MCM8: variants seen among roughly 807,000 people sequenced by gnomAD.
MCM8 encodes minichromosome maintenance 8 homologous recombination repair factor.
Under a neutral mutation model 98.9 loss-of-function variants are expected in MCM8, and 85 were observed. The ratio of observed to expected loss-of-function variants is 0.86; its 90% CI spans 0.72 to 1.03. MCM8 has a LOEUF of 1.03. MCM8 is among the 50% of genes least tolerant of loss of function. The probability of loss-of-function intolerance (pLI) is 0.00; values close to 1 mark genes in which losing one functional copy is unlikely to be tolerated. For missense variants in MCM8, 951 were observed against 997.8 expected, an observed-to-expected ratio of 0.95 and a Z score of 0.63; for synonymous variants, 352 against 338.6, an observed-to-expected ratio of 1.04 and a Z score of -0.44.
intron 8 of MCM8, 127 bp from the exon 9 acceptor site, chr20:5,967,309 C>T (rs1600263712): frequency 1.5e-6 from 1 of 682,936 alleles, no homozygotes; most frequent in Non-Finnish European, 2.3e-6. Context: ...TTTAGATATA[C>T]CATTAAACTG....
chr20:5,969,231 G>C (rs1308226036), intron 10 of MCM8, among the ~76,000 whole-genome samples: 2 of 152,150 alleles, frequency 1.3e-5, no homozygotes, highest in Non-Finnish European at 2.9e-5. Flanking sequence ...AAATGAGAGA[G>C]ACTGAATAAT....
rs772945701 is a variant in MCM8 at position 5,957,117 on chromosome 20, C to T, written c.487-9C>T. ...TTCCAACTTCAGAGTAAATGTCTGT[C>T]CTGTTTAGGTGTTAACTAAGGACCT... On this transcript the variant is annotated splice_polypyrimidine_tract_variant and intron_variant, in intron 5 of 18. Transcript: ENST00000610722. The T allele has an allele frequency of 5.6e-6, 9 of 1,596,018 alleles. No individual in the cohort carries two copies. The South Asian group carries it at 1.0e-4, about 18-fold the overall frequency.
intron 10 of MCM8, among the ~76,000 whole-genome samples, chr20:5,969,688 A>G (rs2089359936): frequency 6.6e-6 from 1 of 151,932 alleles, no homozygotes; most frequent in South Asian, 2.1e-4. Flanking sequence ...TGGCTTTAAT[A>G]TGTTAATTAG....
chr20:5,962,181 A>C (rs1363823235), intron 7 of MCM8, among the ~76,000 whole-genome samples: 1 of 152,184 alleles, frequency 6.6e-6, no homozygotes, highest in Non-Finnish European at 1.5e-5. Context: ...CAGTCTGCTT[A>C]TATGGCTGCT....
intron 7 of MCM8, 139 bp from the exon 8 acceptor site, chr20:5,963,133 ATC>A (rs2089190258): frequency 1.6e-6 from 1 of 637,262 alleles, no homozygotes; most frequent in Non-Finnish European, 2.8e-6. Context: ...AAAGTCATTA[ATC>A]TCTCAGTGGA....
At chr20:5,992,430 A>G (rs2089871877) in intron 17 of MCM8, among the ~76,000 whole-genome samples, 1 of 152,202 alleles carries the variant, frequency 6.6e-6, no homozygotes, top group Non-Finnish European at 1.5e-5. Flanking sequence ...TAAGTGGGAT[A>G]GCCTATGTTA....
rs144899695 is a variant in MCM8, at chr20:5,988,915, T to C, written c.2240+1557T>C. ...TTTGGCTGTGAATAAAAGTGCAGCATAGCTGGAAGAGCAAGGGCTTTGGAG... is the reference window on the plus strand; with the variant it reads ...TTTGGCTGTGAATAAAAGTGCAGCACAGCTGGAAGAGCAAGGGCTTTGGAG... On this transcript the variant is annotated intron_variant, in intron 17 of 18. Transcript: ENST00000610722. Among the ~76,000 whole-genome samples, 391 of 152,272 alleles carry C rather than the reference T, an allele frequency of 2.6e-3. 2 individuals are homozygous for C. Among genetic ancestry groups the C allele is most frequent in the African/African-American group, 9.0e-3 (375 of 41,552 alleles).
Position 5,994,707 on chromosome 20 carries a change from T to G in MCM8, c.*316T>G, listed in dbSNP as rs947169632. ...TGAGGCCAGGGTTCGAGACCAACCT[T>G]GGGCAACATAGCAAGACCCCATTTC... On this transcript the variant is annotated 3_prime_UTR_variant, in exon 19 of 19. Coordinates refer to ENST00000610722, the MANE Select transcript of MCM8 (RefSeq NM_032485.6). 1 of 470,644 alleles carries G rather than the reference T, an allele frequency of 2.1e-6. No homozygotes were observed. Among genetic ancestry groups the G allele is most frequent in the Non-Finnish European group, 4.1e-6 (1 of 241,038 alleles). The allele number at this position is 470,644 out of a possible 1,614,324, so 29.2% of individuals were successfully genotyped here. A position where few individuals can be genotyped will look rare whatever the true frequency, so the allele number is the denominator to read the frequency against.
Position 5,968,026 on chromosome 20 carries a change from G to A in MCM8, c.1223+1G>A. On this transcript the variant is annotated splice_donor_variant, in intron 10 of 18. Transcript: ENST00000610722. LOFTEE classifies it high-confidence loss of function. ...AAAACCTGTTTAAACTCATTGTCAA[G>A]TATGTATGCTGTCATTTGAAATTTT... is the stretch of plus-strand genomic sequence containing the variant. The A allele has an allele frequency of 6.3e-7, 1 of 1,598,254 alleles. No homozygotes were observed. Among genetic ancestry groups the A allele is most frequent in the East Asian group, 2.2e-5 (1 of 44,608 alleles).
In MCM8 at chr20:5,993,621, G is replaced by A. The variant is rs768013365; in HGVS notation, c.2356G>A (p.Val786Ile). The part of the protein sequence containing the change: ...AKRFISALNN[V>I]AERTYNNIFQ... Reference sequence around the variant, plus strand: ...AAGATTTATTTCTGCTCTCAACAACGTTGCTGAAAGAACTTATAATAATAT... The same window carrying A: ...AAGATTTATTTCTGCTCTCAACAACATTGCTGAAAGAACTTATAATAATAT... Residue 786 changes from valine (V) to isoleucine (I), a missense_variant, in exon 18 of 19, where the codon GTT (valine) becomes ATT (isoleucine). Physicochemically the swap from Val to Ile is conservative, Grantham distance 29 (BLOSUM62 3). Coordinates refer to ENST00000610722, the MANE Select transcript of MCM8 (RefSeq NM_032485.6). 4.3e-6 allele frequency: 7 copies of A among 1,611,786 alleles called. No individual in the cohort carries two copies. The South Asian group carries it at 4.4e-5, about 10-fold the overall frequency.
At chr20:5,983,748 T>C (rs1410288652) in intron 14 of MCM8, among the ~76,000 whole-genome samples, 1 of 152,204 alleles carries the variant, frequency 6.6e-6, no homozygotes, top group African/African-American at 2.4e-5. Context: ...ATTTATTATT[T>C]TGTGGGACCC....
At chr20:5,963,197 A>T in intron 7 of MCM8, 77 bp from the exon 8 acceptor site, 1 of 1,084,338 alleles carries the variant, frequency 9.2e-7, no homozygotes, top group South Asian at 1.3e-5. Flanking sequence ...ATTAAATGAA[A>T]TGTTTTAACT....
intron 11 of MCM8, chr20:5,972,694 A>G (rs1422023081): frequency 2.5e-6 from 3 of 1,212,140 alleles, no homozygotes; most frequent in African/African-American, 3.1e-5. Context: ...AGCTGGGACT[A>G]CAGGCATGCG....
chr20:5,985,703 G>A (rs1312252451), intron 15 of MCM8, among the ~76,000 whole-genome samples: 1 of 151,710 alleles, frequency 6.6e-6, no homozygotes, highest in Non-Finnish European at 1.5e-5. Flanking sequence ...GTGCCACCAC[G>A]CCCGGCTAAT....
At chr20:5,973,556 C>T (rs6139882) in intron 12 of MCM8, among the ~76,000 whole-genome samples, 10,998 of 152,274 alleles carry the variant, frequency 0.072, 439 homozygotes, top group Non-Finnish European at 0.096. Context: ...CCTATTCTCC[C>T]TCATACAAGT....
At position 5,973,029 on chromosome 20, in the gene MCM8, G is replaced by A. The variant is rs758520778; in HGVS notation, c.1255-27G>A. On this transcript the variant is annotated intron_variant, in intron 11 of 18. Transcript: ENST00000610722. ...TCACCTTTATGTTTTCCTTACTTCT[G>A]TTTTTTGTTCTTTTTTCGCACTTGA... 4 of 1,610,898 alleles carry A rather than the reference G, an allele frequency of 2.5e-6. No individual in the cohort carries two copies. In the African/African-American group the frequency reaches 4.0e-5, roughly 16 times the overall value.
chr20:5,985,256 C>T (rs892409644), intron 15 of MCM8, among the ~76,000 whole-genome samples: 5 of 151,818 alleles, frequency 3.3e-5, no homozygotes, highest in African/African-American at 1.2e-4. Context: ...CCATCCTGGC[C>T]AACATGATGA....
intron 12 of MCM8, among the ~76,000 whole-genome samples, chr20:5,976,938 T>G (rs569687568): frequency 6.6e-6 from 1 of 152,194 alleles, no homozygotes; most frequent in Non-Finnish European, 1.5e-5. Flanking sequence ...GACGACAGAG[T>G]GAGACCCTGC....
At position 5,985,010 on chromosome 20, in the gene MCM8, T is replaced by C; in HGVS notation, c.1953+10T>C. 1 of 1,601,104 alleles carries C rather than the reference T, an allele frequency of 6.2e-7. No individual in the cohort carries two copies. Among genetic ancestry groups the C allele is most frequent in the Non-Finnish European group, 8.6e-7 (1 of 1,168,890 alleles). On this transcript the variant is annotated intron_variant, in intron 15 of 18. Coordinates refer to ENST00000610722, the MANE Select transcript of MCM8 (RefSeq NM_032485.6). ...ATCAGAAAGACTAAAGGTATAAATG[T>C]TTCTTCTCCTTATTCAGTTTGGTTC... is the stretch of plus-strand genomic sequence containing the variant.
Sources: gnomAD v4.1 joint callset for allele counts (sites outside exome capture counted in the v4.1 genomes callset) on GRCh38, gnomAD v4.1.1 for gene constraint, MANE v1.5 for transcripts, NCBI Gene and HGNC (gene_info 2026-07-23, HGNC 2026-07-21) for gene names.